Variants in ASAP1 observed in about 807,000 individuals in gnomAD.
ASAP1 encodes arf-GAP with SH3 domain, ANK repeat and PH domain-containing protein 1.
A neutral mutation model predicts 145.2 loss-of-function variants in ASAP1; 43 were observed. The observed-to-expected ratio is 0.30, with a 90% CI of 0.23 to 0.38. The LOEUF (loss-of-function observed/expected upper bound fraction) is 0.38, where lower values mean the gene tolerates loss of function less well. Among genes scored for constraint, ASAP1 ranks in the 10% least tolerant of loss-of-function variants. ASAP1 has a pLI of 1.00. For synonymous variants in ASAP1, 546 were observed against 515.5 expected, an observed-to-expected ratio of 1.06 and a Z score of -0.80; for missense variants, 1,018 against 1,355.3, an observed-to-expected ratio of 0.75 and a Z score of 3.91.
intron 3 of ASAP1, among the ~76,000 whole-genome samples, chr8:130,242,810 T>C (rs60276681): frequency 0.015 from 2,328 of 152,180 alleles, 52 homozygotes; most frequent in African/African-American, 0.054. Context: ...CAATGAAGAA[T>C]TGTCACTGTC....
chr8:130,248,224 G>C (rs1044402123), intron 3 of ASAP1, among the ~76,000 whole-genome samples: 25 of 152,248 alleles, frequency 1.6e-4, no homozygotes, highest in Admixed American at 1.2e-3. Context: ...CGGGTGCCGG[G>C]GGGGTTGGAG....
rs1177704665 is a variant in ASAP1 at position 130,338,581 on chromosome 8, C to T, written c.186+19436G>A. On this transcript the variant is annotated intron_variant, in intron 3 of 29. Transcript: ENST00000518721. ...AGTATCTTTAATGACTCTAGCTAGTCATGCATCTGTGTGGAATTTTTTCCA... is the reference window on the plus strand; with the variant it reads ...AGTATCTTTAATGACTCTAGCTAGTTATGCATCTGTGTGGAATTTTTTCCA... 2.0e-5 allele frequency among the ~76,000 whole-genome samples: 3 copies of T among 152,336 alleles called. No homozygotes were observed. In the East Asian group the frequency reaches 5.8e-4, roughly 29 times the overall value.
At chr8:130,426,638 T>C (rs558436911) in intron 1 of ASAP1, among the ~76,000 whole-genome samples, 2 of 152,314 alleles carry the variant, frequency 1.3e-5, no homozygotes, top group Admixed American at 1.3e-4. Flanking sequence ...ATGCATGCAG[T>C]TATCAGGGTC....
intron 1 of ASAP1, among the ~76,000 whole-genome samples, chr8:130,409,335 G>A (rs5027392): frequency 0.41 from 62,443 of 151,836 alleles, 14,133 homozygotes; most frequent in African/African-American, 0.6. Context: ...TGAATTGGTC[G>A]TGGGGATTTT....
intron 25 of ASAP1, among the ~76,000 whole-genome samples, chr8:130,090,775 G>A (rs1040311230): frequency 4.6e-5 from 7 of 152,166 alleles, no homozygotes; most frequent in African/African-American, 9.7e-5. Flanking sequence ...GAGAATGAAC[G>A]GCTAAATGCA....
At chr8:130,388,223 CTTGGGGA>C (rs1828113805) in intron 2 of ASAP1, among the ~76,000 whole-genome samples, 1 of 152,136 alleles carries the variant, frequency 6.6e-6, no homozygotes, top group Non-Finnish European at 1.5e-5. Flanking sequence ...GCTGAAGCCT[CTTGGGGA>C]AACGGGGTGG....
chr8:130,196,619 T>C (rs1815508212), intron 5 of ASAP1, among the ~76,000 whole-genome samples: 1 of 152,230 alleles, frequency 6.6e-6, no homozygotes, highest in Non-Finnish European at 1.5e-5. Flanking sequence ...AAGACTGTAT[T>C]AATTAATGAG....
At chr8:130,095,227 G>C (rs575831000) in intron 24 of ASAP1, among the ~76,000 whole-genome samples, 51 of 151,044 alleles carry the variant, frequency 3.4e-4, no homozygotes, top group Non-Finnish European at 6.0e-4. Context: ...CTCTGGTTTC[G>C]TGTAGAGTAA....
intron 2 of ASAP1, among the ~76,000 whole-genome samples, chr8:130,363,603 G>C (rs948071766): frequency 1.3e-5 from 2 of 152,062 alleles, no homozygotes; most frequent in African/African-American, 4.8e-5. Context: ...GTACTGCATT[G>C]GTGGTTATAT....
intron 24 of ASAP1, among the ~76,000 whole-genome samples, chr8:130,107,601 G>A (rs1436663506): frequency 6.6e-6 from 1 of 151,260 alleles, no homozygotes; most frequent in Non-Finnish European, 1.5e-5. Flanking sequence ...GGGCTGAAGT[G>A]CAGTGGTGCC....
At chr8:130,439,729 G>C (rs537143446) in intron 1 of ASAP1, among the ~76,000 whole-genome samples, 2 of 152,356 alleles carry the variant, frequency 1.3e-5, no homozygotes, top group East Asian at 3.9e-4. Flanking sequence ...GAGAGGAAGA[G>C]CATCCCCCGC....
intron 5 of ASAP1, 21 bp from the exon 6 acceptor site, chr8:130,188,204 T>TGGGA: frequency 1.9e-6 from 3 of 1,586,638 alleles, no homozygotes; most frequent in Non-Finnish European, 1.7e-6. Flanking sequence ...AAAGGGAAGA[T>TGGGA]GGGAGATGGT....
rs1437149108 is a variant in ASAP1 at position 130,183,579 on chromosome 8, C to A, written c.531-2699G>T. 2.6e-5 allele frequency among the ~76,000 whole-genome samples: 4 copies of A among 152,136 alleles called. No homozygotes were observed. The East Asian group carries it at 7.7e-4, about 29-fold the overall frequency. The stretch of plus-strand genomic sequence containing the variant: ...CTGGTCTCAAACTTTCGACCTCAAG[C>A]GATTTGCCCACCTTGGTTTCCCAAA... On this transcript the variant is annotated intron_variant, in intron 7 of 29. Transcript: ENST00000518721.
intron 3 of ASAP1, among the ~76,000 whole-genome samples, chr8:130,308,237 G>A (rs1377836005): frequency 6.6e-6 from 1 of 152,158 alleles, no homozygotes; most frequent in East Asian, 1.9e-4. Context: ...ATACTTGAGT[G>A]TTTTCTCCCA....
At position 130,317,271 on chromosome 8, in the gene ASAP1, T is replaced by C. The variant is rs553647084; in HGVS notation, c.186+40746A>G. Among the ~76,000 whole-genome samples, 13 of 152,276 alleles carry C rather than the reference T, an allele frequency of 8.5e-5. No homozygotes were observed. In the South Asian group the frequency reaches 2.1e-3, roughly 24 times the overall value. On this transcript the variant is annotated intron_variant, in intron 3 of 29. Transcript: ENST00000518721. Reference sequence around the variant, plus strand: ...TATTTTTCACTCACCAATCCCCATATCATTATACAGTAACACCATACAGCC... The same window carrying C: ...TATTTTTCACTCACCAATCCCCATACCATTATACAGTAACACCATACAGCC...
intron 7 of ASAP1, among the ~76,000 whole-genome samples, chr8:130,185,619 C>T (rs1051158859): frequency 6.6e-6 from 1 of 150,898 alleles, no homozygotes; most frequent in Admixed American, 6.6e-5. Context: ...ATCCCAATTA[C>T]TCGGGAGGCT....
At chr8:130,080,231 G>A (rs990427604) in intron 25 of ASAP1, among the ~76,000 whole-genome samples, 1 of 152,206 alleles carries the variant, frequency 6.6e-6, no homozygotes, top group Non-Finnish European at 1.5e-5. Context: ...AAAGAGCATA[G>A]AAACTTGGTG....
intron 3 of ASAP1, among the ~76,000 whole-genome samples, chr8:130,338,941 A>G (rs57854216): frequency 1.2e-4 from 19 of 152,328 alleles, no homozygotes; most frequent in Middle Eastern, 3.4e-3. Context: ...TGGGCAGACA[A>G]TCAAAATCAC....
At chr8:130,277,999 T>C (rs543098165) in intron 3 of ASAP1, among the ~76,000 whole-genome samples, 3 of 151,474 alleles carry the variant, frequency 2.0e-5, no homozygotes, top group East Asian at 1.9e-4. Context: ...CAAAGTAGTA[T>C]GGTTCTCAGC....
Sources: gnomAD v4.1 joint callset for allele counts (sites outside exome capture counted in the v4.1 genomes callset) on GRCh38, gnomAD v4.1.1 for gene constraint, MANE v1.5 for transcripts, NCBI Gene and HGNC (gene_info 2026-07-23, HGNC 2026-07-21) for gene names.